Variants in BLTP3A observed in about 807,000 individuals in gnomAD.
BLTP3A encodes the protein ICBP90 binding protein 1.
the BLTP3A span, among the ~76,000 whole-genome samples, chr6:34,853,045 G>A: frequency 1.9e-4 from 29 of 152,296 alleles, no homozygotes; most frequent in African/African-American, 6.7e-4. Flanking sequence ...GGCTGGGGGT[G>A]GGGTGGTGTC....
At chr6:34,872,504 A>G in the BLTP3A span, 1 of 1,542,610 alleles carries the variant, frequency 6.5e-7, no homozygotes, top group Non-Finnish European at 8.7e-7. Context: ...CACCTAGGAC[A>G]GAGGGCACTG....
the BLTP3A span, chr6:34,870,792 T>C: frequency 6.4e-7 from 1 of 1,568,400 alleles, no homozygotes; most frequent in Admixed American, 1.8e-5. Flanking sequence ...TATTGGTATA[T>C]AAGGTGCCTA....
At chr6:34,837,152 T>C in the BLTP3A span, among the ~76,000 whole-genome samples, 1 of 152,248 alleles carries the variant, frequency 6.6e-6, no homozygotes, top group Non-Finnish European at 1.5e-5. Context: ...TCCATTGCCA[T>C]CAGTTCTTGG....
chr6:34,803,819 A>C, the BLTP3A span, among the ~76,000 whole-genome samples: 4 of 151,964 alleles, frequency 2.6e-5, no homozygotes, highest in Non-Finnish European at 5.9e-5. Context: ...AGGGAATACT[A>C]GTTAATCCAA....
chr6:34,859,192 G>A, the BLTP3A span: 8 of 1,614,042 alleles, frequency 5.0e-6, no homozygotes, highest in Non-Finnish European at 6.8e-6. Context: ...TGTATCCCAG[G>A]AGAGGCCACA....
chr6:34,801,222 T>C, the BLTP3A span, among the ~76,000 whole-genome samples: 1 of 152,192 alleles, frequency 6.6e-6, no homozygotes, highest in African/African-American at 2.4e-5. Context: ...TCAGACTTAA[T>C]AGAAGCACTG....
At chr6:34,877,267 A>G in the BLTP3A span, 1 of 152,692 alleles carries the variant, frequency 6.5e-6, no homozygotes, top group Non-Finnish European at 1.5e-5. Flanking sequence ...TCCCTATGAC[A>G]CTGAATGGTA....
the BLTP3A span, among the ~76,000 whole-genome samples, chr6:34,845,437 G>A: frequency 2.0e-5 from 3 of 151,966 alleles, no homozygotes; most frequent in African/African-American, 7.2e-5. Context: ...TTTTTGTTTT[G>A]AGACAGGGTC....
the BLTP3A span, among the ~76,000 whole-genome samples, chr6:34,851,834 A>G: frequency 6.6e-6 from 1 of 151,448 alleles, no homozygotes; most frequent in African/African-American, 2.4e-5. Context: ...CCAAGCCACA[A>G]GACAAAGTCC....
At chr6:34,864,417 CAGAA>C in the BLTP3A span, among the ~76,000 whole-genome samples, 1 of 151,710 alleles carries the variant, frequency 6.6e-6, no homozygotes, top group Non-Finnish European at 1.5e-5. Flanking sequence ...GACTATATCA[CAGAA>C]AGAGATTCAA....
chr6:34,859,579 G>T, the BLTP3A span: 1 of 1,613,106 alleles, frequency 6.2e-7, no homozygotes. Flanking sequence ...CAAGTAAGTG[G>T]CTCTGTACCT....
chr6:34,871,214 C>T, the BLTP3A span: 1 of 1,368,866 alleles, frequency 7.3e-7, no homozygotes. Context: ...TAACCTCTTC[C>T]CTTTTCACTG....
chr6:34,855,695 A>G, the BLTP3A span: 6 of 1,613,568 alleles, frequency 3.7e-6, no homozygotes, highest in Non-Finnish European at 3.4e-6. Context: ...TACCCTTTCC[A>G]TTGGGCAGGT....
At chr6:34,859,145 A>G in the BLTP3A span, 2 of 1,614,152 alleles carry the variant, frequency 1.2e-6, no homozygotes, top group Non-Finnish European at 1.7e-6. Flanking sequence ...GCAAGCCCTG[A>G]GAAGGTCTTG....
chr6:34,868,119 C>A, the BLTP3A span, among the ~76,000 whole-genome samples: 3 of 151,000 alleles, frequency 2.0e-5, no homozygotes, highest in Admixed American at 6.6e-5. Flanking sequence ...CCAGCCTGGC[C>A]AACATGGTAA....
the BLTP3A span, among the ~76,000 whole-genome samples, chr6:34,822,376 A>G: frequency 1.3e-5 from 2 of 151,262 alleles, no homozygotes; most frequent in Admixed American, 1.3e-4. Context: ...CTAAGTAGCT[A>G]GGATTACATG....
chr6:34,821,007 A>G, the BLTP3A span, among the ~76,000 whole-genome samples: 2 of 143,156 alleles, frequency 1.4e-5, no homozygotes, highest in Admixed American at 7.3e-5. Context: ...CCCAGGCTGG[A>G]GTGCAATGGC....
the BLTP3A span, among the ~76,000 whole-genome samples, chr6:34,818,302 C>G: frequency 6.6e-6 from 1 of 152,014 alleles, no homozygotes. Flanking sequence ...AACCCTGTCT[C>G]TACAAAAAAT....
chr6:34,822,729 C>T, the BLTP3A span, among the ~76,000 whole-genome samples: 4 of 151,620 alleles, frequency 2.6e-5, no homozygotes, highest in African/African-American at 9.7e-5. Context: ...TGGTGGCAGG[C>T]GCCTGTAATC....
Sources: allele counts gnomAD v4.1 joint callset (sites outside exome capture counted in the v4.1 genomes callset), GRCh38; gene constraint gnomAD v4.1.1; transcripts MANE v1.5; gene names NCBI Gene and HGNC (gene_info 2026-07-23, HGNC 2026-07-21).